Variants in RGS6 observed in about 807,000 individuals in gnomAD.
RGS6 encodes regulator of G-protein signaling 6.
Under a neutral mutation model 78.5 loss-of-function variants are expected in RGS6, and 30 were observed. The ratio of observed to expected loss-of-function variants is 0.38; its 90% CI spans 0.29 to 0.52. The LOEUF is 0.52. Ranked by LOEUF, RGS6 falls within the 20% of genes least tolerant of loss-of-function variation. The pLI is 0.85. For synonymous variants in RGS6, 206 were observed against 206.0 expected, an observed-to-expected ratio of 1.00 and a Z score of 0.00; for missense variants, 495 against 609.7, an observed-to-expected ratio of 0.81 and a Z score of 1.98.
chr14:72,395,582 T>G (rs1034740961), intron 3 of RGS6, among the ~76,000 whole-genome samples: 1 of 152,138 alleles, frequency 6.6e-6, no homozygotes, highest in African/African-American at 2.4e-5. Context: ...GTGCACAACA[T>G]GCAGGTTTGT....
At chr14:72,022,036 T>G (rs1222457718) in intron 2 of RGS6, among the ~76,000 whole-genome samples, 15 of 152,212 alleles carry the variant, frequency 9.9e-5, no homozygotes, top group Admixed American at 9.8e-4. Context: ...TTTGGTTTTC[T>G]GTTCCTGTGT....
chr14:72,471,533 G>A (rs1051109105), intron 8 of RGS6, among the ~76,000 whole-genome samples: 44 of 152,242 alleles, frequency 2.9e-4, no homozygotes, highest in South Asian at 4.1e-4. Context: ...ATTCCTGGGC[G>A]ATGTTGCAGC....
intron 2 of RGS6, among the ~76,000 whole-genome samples, chr14:72,100,629 G>A (rs544499580): frequency 4.6e-5 from 7 of 152,304 alleles, no homozygotes; most frequent in East Asian, 3.9e-4. Context: ...ACAAGATTAC[G>A]ACAAGGAGCT....
intron 2 of RGS6, among the ~76,000 whole-genome samples, chr14:72,109,039 CTG>C (rs1438674314): frequency 2.0e-5 from 3 of 152,002 alleles, no homozygotes; most frequent in Non-Finnish European, 4.4e-5. Flanking sequence ...TCATAGAGCT[CTG>C]TCTTCTATTG....
chr14:72,064,269 G>A (rs1395620161), intron 2 of RGS6, among the ~76,000 whole-genome samples: 2 of 152,044 alleles, frequency 1.3e-5, no homozygotes, highest in South Asian at 2.1e-4. Flanking sequence ...AGTGGGGAAC[G>A]GACCATGGAG....
At chr14:72,398,684 C>A (rs1566734011) in intron 3 of RGS6, among the ~76,000 whole-genome samples, 2 of 152,122 alleles carry the variant, frequency 1.3e-5, no homozygotes, top group Non-Finnish European at 2.9e-5. Context: ...CTCTTGTGGG[C>A]ATTTAGTGCT....
At chr14:72,498,728 T>A (rs8005049) in intron 13 of RGS6, among the ~76,000 whole-genome samples, 2,123 of 152,240 alleles carry the variant, frequency 0.014, 46 homozygotes, top group African/African-American at 0.049. Flanking sequence ...TCTTTAAAAA[T>A]ACACGCATAC....
intron 3 of RGS6, among the ~76,000 whole-genome samples, chr14:72,394,587 A>G (rs2090749337): frequency 6.6e-6 from 1 of 152,200 alleles, no homozygotes; most frequent in Admixed American, 6.5e-5. Context: ...TGCTCTTGAA[A>G]GAAGAGAAAG....
chr14:72,086,042 C>T (rs868684767), intron 2 of RGS6, among the ~76,000 whole-genome samples: 34 of 151,996 alleles, frequency 2.2e-4, no homozygotes, highest in African/African-American at 7.5e-4. Flanking sequence ...AAGGCTGTGA[C>T]ATTTATTTCT....
intron 2 of RGS6, among the ~76,000 whole-genome samples, chr14:72,296,996 GCTAT>G (rs369736878): frequency 1.1e-3 from 172 of 152,136 alleles, no homozygotes; most frequent in African/African-American, 4.0e-3. Flanking sequence ...TTTCCACATG[GCTAT>G]CTAGTCATTC....
chr14:72,418,452 C>T (rs1008090755), intron 3 of RGS6, among the ~76,000 whole-genome samples: 6 of 152,164 alleles, frequency 3.9e-5, no homozygotes, highest in Non-Finnish European at 8.8e-5. Context: ...CAGGCATGAG[C>T]CACCGCGCCC....
intron 2 of RGS6, among the ~76,000 whole-genome samples, chr14:72,261,964 C>A (rs986685269): frequency 2.0e-5 from 3 of 151,892 alleles, no homozygotes; most frequent in African/African-American, 7.3e-5. Flanking sequence ...ATGGTGATTT[C>A]AAATGAGGTT....
intron 2 of RGS6, among the ~76,000 whole-genome samples, chr14:72,164,214 A>G (rs2096893295): frequency 6.6e-6 from 1 of 152,090 alleles, no homozygotes; most frequent in Non-Finnish European, 1.5e-5. Context: ...TTCTTATGAC[A>G]CTCAAGGAGA....
intron 15 of RGS6, among the ~76,000 whole-genome samples, chr14:72,519,207 G>A (rs576386113): frequency 2.6e-5 from 4 of 152,218 alleles, no homozygotes; most frequent in African/African-American, 9.6e-5. Flanking sequence ...ACAGATGCTA[G>A]TGATGCTGGC....
the RGS6 span, among the ~76,000 whole-genome samples, chr14:72,579,224 C>T: frequency 2.7e-4 from 40 of 150,796 alleles, no homozygotes; most frequent in African/African-American, 8.8e-4. Flanking sequence ...AATCGGAGAA[C>T]AAGGCCAGGT....
chr14:72,206,982 C>T (rs1281297773), intron 2 of RGS6, among the ~76,000 whole-genome samples: 1 of 152,142 alleles, frequency 6.6e-6, no homozygotes, highest in African/African-American at 2.4e-5. Flanking sequence ...AGGGTTGCTT[C>T]CTGCTTTGCT....
At chr14:72,231,685 C>T (rs761158441) in intron 2 of RGS6, among the ~76,000 whole-genome samples, 1 of 152,208 alleles carries the variant, frequency 6.6e-6, no homozygotes, top group Non-Finnish European at 1.5e-5. Context: ...AAGAGAAACC[C>T]TTTCGGATAA....
At chr14:72,530,996 C>T (rs2097175766) in intron 15 of RGS6, among the ~76,000 whole-genome samples, 2 of 152,110 alleles carry the variant, frequency 1.3e-5, no homozygotes, top group African/African-American at 2.4e-5. Flanking sequence ...TAAAAATAAA[C>T]ACATACTGTT....
chr14:72,097,343 T>C (rs961962351), intron 2 of RGS6, among the ~76,000 whole-genome samples: 1 of 152,100 alleles, frequency 6.6e-6, no homozygotes, highest in Non-Finnish European at 1.5e-5. Flanking sequence ...TTAATTTTCT[T>C]AACAGCATCT....
Sources: allele counts gnomAD v4.1 joint callset (sites outside exome capture counted in the v4.1 genomes callset), GRCh38; gene constraint gnomAD v4.1.1; transcripts MANE v1.5; gene names NCBI Gene and HGNC (gene_info 2026-07-23, HGNC 2026-07-21).